The following KLHL32 variants were observed in gnomAD, a reference collection of about 807,000 sequenced individuals.
KLHL32 encodes kelch like family member 32.
KLHL32 carries 35 observed loss-of-function variants against 64.8 expected under a neutral mutation model. The ratio of observed to expected loss-of-function variants is 0.54; its 90% CI spans 0.41 to 0.72. The LOEUF (loss-of-function observed/expected upper bound fraction) is 0.72. Among genes scored for constraint, KLHL32 ranks in the 30% least tolerant of loss-of-function variants. KLHL32 has a pLI of 0.00. For missense variants in KLHL32, 589 were observed against 768.5 expected, an observed-to-expected ratio of 0.77 and a Z score of 2.76; for synonymous variants, 259 against 281.0, an observed-to-expected ratio of 0.92 and a Z score of 0.78.
chr6:97,038,952 T>C (rs188164304), intron 3 of KLHL32, among the ~76,000 whole-genome samples: 193 of 151,588 alleles, frequency 1.3e-3, no homozygotes, highest in Admixed American at 2.8e-3. Context: ...TAGCTGGGTA[T>C]GGTGGCACGT....
chr6:97,033,086 G>A (rs552105613), intron 3 of KLHL32, among the ~76,000 whole-genome samples: 18 of 152,162 alleles, frequency 1.2e-4, no homozygotes, highest in Non-Finnish European at 2.4e-4. Context: ...TTTACTAAGA[G>A]CTTGCCATAT....
At chr6:96,908,206 TAGG>T in the KLHL32 span, among the ~76,000 whole-genome samples, 6 of 152,086 alleles carry the variant, frequency 3.9e-5, no homozygotes, top group Non-Finnish European at 7.4e-5. Context: ...ACAAGGGAAA[TAGG>T]AGGAAATTTC....
intron 3 of KLHL32, among the ~76,000 whole-genome samples, chr6:97,032,342 A>AC (rs1783680039): frequency 6.6e-6 from 1 of 152,218 alleles, no homozygotes; most frequent in Admixed American, 6.5e-5. Flanking sequence ...TAAAATGATT[A>AC]CCAATATGGT....
chr6:97,053,368 A>G, intron 4 of KLHL32, among the ~76,000 whole-genome samples: 1 of 152,190 alleles, frequency 6.6e-6, no homozygotes, highest in Non-Finnish European at 1.5e-5. Context: ...GTGCCTCCAA[A>G]TTCCCAGCTT....
At chr6:96,999,466 A>C (rs1778779248) in intron 3 of KLHL32, 1 of 733,754 alleles carries the variant, frequency 1.4e-6, no homozygotes, top group South Asian at 6.2e-5. Context: ...TCAATAAAAT[A>C]ATTTATTTCC....
intron 6 of KLHL32, among the ~76,000 whole-genome samples, chr6:97,085,888 G>A (rs745862634): frequency 3.3e-5 from 5 of 152,034 alleles, no homozygotes; most frequent in East Asian, 1.9e-4. Context: ...CTGCCTTTTC[G>A]CCTGACATAG....
At chr6:96,953,599 C>T (rs560999901) in intron 1 of KLHL32, among the ~76,000 whole-genome samples, 119 of 151,542 alleles carry the variant, frequency 7.9e-4, no homozygotes, top group Non-Finnish European at 1.4e-3. Flanking sequence ...CACTGTACTC[C>T]AGCCTGGGTG....
At chr6:97,070,264 G>C (rs964408515) in intron 5 of KLHL32, among the ~76,000 whole-genome samples, 1 of 152,038 alleles carries the variant, frequency 6.6e-6, no homozygotes, top group Non-Finnish European at 1.5e-5. Context: ...TTTAATCAGC[G>C]AAAATGATCA....
At position 97,100,966 on chromosome 6, in the gene KLHL32, C is replaced by CTTTTTTTTTTTTTT. The variant is rs58422496; in HGVS notation, c.628-12809_628-12796dup. ...ACAGGCATGTGCCACTGCAGCCAAG[C>CTTTTTTTTTTTTTT]TTTTTTTTTTTTTTTTTTTTTGGTA... On this transcript the variant is annotated intron_variant, in intron 6 of 10. Coordinates refer to ENST00000369261, the MANE Select transcript of KLHL32 (RefSeq NM_052904.4). 8.3e-4 allele frequency among the ~76,000 whole-genome samples: 58 copies of CTTTTTTTTTTTTTT among 69,476 alleles called. 11 individuals carry two copies. The highest frequency in any genetic ancestry group is 3.8e-3 in the African/African-American group (54 of 14,100). 45.6% of individuals were successfully genotyped at this position (69,476 alleles called of 152,430 possible).
intron 1 of KLHL32, among the ~76,000 whole-genome samples, chr6:96,954,892 T>G (rs1179759817): frequency 3.3e-5 from 5 of 152,214 alleles, no homozygotes. Context: ...TGGGCTGTTA[T>G]AACAATAACA....
chr6:96,995,595 T>C (rs578223560), intron 3 of KLHL32, among the ~76,000 whole-genome samples: 3 of 152,310 alleles, frequency 2.0e-5, no homozygotes, highest in Non-Finnish European at 4.4e-5. Context: ...TATCCAGTGT[T>C]GTAGCCACAC....
chr6:97,003,912 GTTAGT>G, intron 3 of KLHL32, among the ~76,000 whole-genome samples: 1 of 152,312 alleles, frequency 6.6e-6, no homozygotes, highest in East Asian at 1.9e-4. Flanking sequence ...ATAGTTTGAA[GTTAGT>G]TAATGTGAGG....
chr6:96,967,583 A>G (rs115729563), intron 2 of KLHL32, among the ~76,000 whole-genome samples: 187 of 152,210 alleles, frequency 1.2e-3, no homozygotes, highest in African/African-American at 4.3e-3. Context: ...AATGCTCACA[A>G]CATTTCCTTT....
chr6:96,987,269 T>G (rs1052720823), intron 3 of KLHL32, among the ~76,000 whole-genome samples: 1 of 152,184 alleles, frequency 6.6e-6, no homozygotes, highest in Non-Finnish European at 1.5e-5. Flanking sequence ...ATGTGTTTGC[T>G]CTTGCTTCTC....
chr6:97,064,270 C>G (rs2128153465), intron 4 of KLHL32, among the ~76,000 whole-genome samples: 1 of 152,236 alleles, frequency 6.6e-6, no homozygotes, highest in Non-Finnish European at 1.5e-5. Flanking sequence ...AAAACTAAAA[C>G]TCAGTTCTTT....
intron 5 of KLHL32, among the ~76,000 whole-genome samples, chr6:97,081,136 A>G (rs769388517): frequency 6.6e-6 from 1 of 152,204 alleles, no homozygotes; most frequent in Non-Finnish European, 1.5e-5. Context: ...TGCATAGGGA[A>G]GCCCCAGGGT....
chr6:97,085,197 G>A lies in KLHL32; in HGVS notation c.483G>A (p.Lys161=). The change falls in exon 6 of 11, where the codon AAG becomes AAA. Residue 161 remains lysine (K), a synonymous_variant. Coordinates refer to ENST00000369261, the MANE Select transcript of KLHL32 (RefSeq NM_052904.4). ...TCTTTAACCTCACTTTGTTGGAGAA[G>A]GCAGTGATCGATTTCTTAGTGAAAC... ...ADLFNLTLLE[K]AVIDFLVKHL... 6.2e-7 allele frequency: 1 copy of A among 1,613,996 alleles called. No homozygotes were observed. Among genetic ancestry groups the A allele is most frequent in the Admixed American group, 1.7e-5 (1 of 60,008 alleles).
chr6:97,122,728 A>C (rs1238299161), intron 7 of KLHL32, among the ~76,000 whole-genome samples: 1 of 152,146 alleles, frequency 6.6e-6, no homozygotes, highest in African/African-American at 2.4e-5. Flanking sequence ...TATGCTTTGC[A>C]CTCTAGTTCA....
chr6:96,964,356 A>G (rs1360150705), intron 1 of KLHL32, among the ~76,000 whole-genome samples: 2 of 152,230 alleles, frequency 1.3e-5, no homozygotes, highest in Admixed American at 1.3e-4. Flanking sequence ...GAAACTTTTT[A>G]TAAAAACAAA....
Sources: allele counts gnomAD v4.1 joint callset (sites outside exome capture counted in the v4.1 genomes callset), GRCh38; gene constraint gnomAD v4.1.1; transcripts MANE v1.5; gene names NCBI Gene and HGNC (gene_info 2026-07-23, HGNC 2026-07-21).